CUL9: variants seen among roughly 807,000 people sequenced by gnomAD.
CUL9 encodes the protein cullin 9.
In CUL9, 79 loss-of-function variants were observed where a neutral mutation model predicts 272.6. That is an observed-to-expected ratio of 0.29 (90% CI 0.24 to 0.35). CUL9 has a LOEUF of 0.35. CUL9 is among the 10% of genes least tolerant of loss of function. The probability of loss-of-function intolerance (pLI) is 1.00; values close to 1 mark genes in which losing one functional copy is unlikely to be tolerated. For synonymous variants in CUL9, 1,186 were observed against 1,286.5 expected (o/e 0.92, Z 1.67); for missense variants, 2,532 against 3,255.6 (o/e 0.78, Z 5.41).
At position 43,206,246 on chromosome 6, in the gene CUL9, G is replaced by C; in HGVS notation, c.5022+11G>C. On this transcript the variant is annotated intron_variant, in intron 25 of 40. Coordinates refer to ENST00000252050, the MANE Select transcript of CUL9 (RefSeq NM_015089.4). The surrounding 1 kb of genome is among the most constrained non-coding windows in gnomAD (Gnocchi z 4.8). ...CTAGAGGAAGAGGAGGTAAGAGCAG[G>C]GAGAATAGGAGAGTGAGAGAAGACT... 6.2e-7 allele frequency: 1 copy of C among 1,611,428 alleles called. No homozygotes were observed. Among genetic ancestry groups the C allele is most frequent in the Non-Finnish European group, 8.5e-7 (1 of 1,178,328 alleles).
At chr6:43,212,017 C>T (rs1775546627) in intron 26 of CUL9, among the ~76,000 whole-genome samples, 1 of 152,240 alleles carries the variant, frequency 6.6e-6, no homozygotes, top group Non-Finnish European at 1.5e-5. Context: ...ATTTTATCCT[C>T]CTTGCAATTA....
rs549624523 is a variant in CUL9 at position 43,221,460 on chromosome 6, C to CG, written c.6752+141dup. The CG allele has an allele frequency of 3.8e-4, 394 of 1,048,244 alleles. No individual in the cohort carries two copies. In the African/African-American group the frequency reaches 5.0e-3, roughly 13 times the overall value. The allele number at this position is 1,048,244 out of a possible 1,614,324, so 64.9% of individuals were successfully genotyped here. On this transcript the variant is annotated intron_variant, in intron 34 of 40. Transcript: ENST00000252050. The surrounding 1 kb of genome is among the most constrained non-coding windows in gnomAD (Gnocchi z 4.2). ...GCCGCCCCTCACGTGGCAGCCTCCA[C>CG]GGTGACTTCCTGGATCTTAATGTTC...
intron 36 of CUL9, 65 bp downstream of exon 36, chr6:43,222,455 G>T (rs1776450442): frequency 2.5e-6 from 4 of 1,585,632 alleles, no homozygotes. Flanking sequence ...GGGTGGAGGG[G>T]GGTGGGCTGA....
rs1397457427 is a variant in CUL9 at position 43,184,782 on chromosome 6, C to T, written c.472C>T (p.Leu158Phe). Reference sequence around the variant, plus strand: ...CAGTGCCTACGCCAGCATCGGGCCCCTCACTGGTGTCTTCAGGGAGACAGG... The same window carrying T: ...CAGTGCCTACGCCAGCATCGGGCCCTTCACTGGTGTCTTCAGGGAGACAGG... ...VLSAYASIGP[L>F]TGVFRETGAL... The change falls in exon 2 of 41, where the codon CTC (leucine) becomes TTC (phenylalanine). Residue 158 changes from leucine (L) to phenylalanine (F), a missense_variant. Leu to Phe is a conservative substitution (Grantham distance 22). Transcript: ENST00000252050. This position sits in a 1 kb window ranked among gnomAD's most constrained non-coding sequence, Gnocchi z 4.8. 2 of 1,614,142 alleles carry T rather than the reference C, an allele frequency of 1.2e-6. No individual in the cohort carries two copies. The highest frequency in any genetic ancestry group is 3.3e-5 in the Admixed American group (2 of 60,030).
intron 7 of CUL9, 138 bp downstream of exon 7, chr6:43,188,256 A>G (rs1437561424): frequency 9.9e-6 from 10 of 1,005,256 alleles, no homozygotes; most frequent in African/African-American, 4.9e-5. Flanking sequence ...CCATGCGTCC[A>G]TCTTCTTCCT....
chr6:43,222,696 G>C, intron 37 of CUL9, 55 bp downstream of exon 37: 14 of 1,605,336 alleles, frequency 8.7e-6, no homozygotes, highest in Non-Finnish European at 1.2e-5. Context: ...TGGGTCTGGG[G>C]GGCTTGGCTG....
In CUL9 at chr6:43,188,023, A is replaced by G. The variant is rs1181687456; in HGVS notation, c.1892A>G (p.Glu631Gly). Residue 631 changes from glutamate (E) to glycine (G), a missense_variant, in exon 7 of 41, where the codon GAG (glutamate) becomes GGG (glycine). Physicochemically the swap from Glu to Gly is moderately conservative, Grantham distance 98. Transcript: ENST00000252050. Reference protein sequence around the residue: ...TEAEPTKTRTETPMAQSDSQL... With the variant: ...TEAEPTKTRTGTPMAQSDSQL... ...GCCGAGCCCACCAAGACAAGGACCG[A>G]GACCCCCATGGCACAGAGTGATTCT... 1 of 1,613,894 alleles carries G rather than the reference A, an allele frequency of 6.2e-7. No homozygotes were observed. Among genetic ancestry groups the G allele is most frequent in the Non-Finnish European group, 8.5e-7 (1 of 1,179,998 alleles).
At chr6:43,192,826 C>T (rs532653751) in intron 8 of CUL9, among the ~76,000 whole-genome samples, 175 bp from the exon 9 acceptor site, 47 of 152,178 alleles carry the variant, frequency 3.1e-4, no homozygotes, top group African/African-American at 1.1e-3. Context: ...AGTTAGGCTG[C>T]AGAGGGGAGG....
chr6:43,205,218 A>C (rs771352141), intron 23 of CUL9, 45 bp from the exon 24 acceptor site: 10 of 1,601,344 alleles, frequency 6.2e-6, no homozygotes, highest in Admixed American at 1.7e-5. Context: ...CTCCTACTCC[A>C]CTCCCTCATT....
Position 43,218,906 on chromosome 6 carries a change from G to GCCTT in CUL9, c.6283-1552_6283-1549dup, listed in dbSNP as rs1776127418. ...GGAATGAAGCAGAGAGGCCTGGCAG[G>GCCTT]CCTTACCCAAGGAGAAAGAAGCAGA... On this transcript the variant is annotated intron_variant, in intron 31 of 40. Coordinates refer to ENST00000252050, the MANE Select transcript of CUL9 (RefSeq NM_015089.4). The surrounding 1 kb of genome is among the most constrained non-coding windows in gnomAD (Gnocchi z 4.4). Among the ~76,000 whole-genome samples the GCCTT allele has an allele frequency of 6.6e-6, 1 of 152,086 alleles. No individual in the cohort carries two copies. Among genetic ancestry groups the GCCTT allele is most frequent in the South Asian group, 2.1e-4 (1 of 4,816 alleles).
rs1291021098 is a variant in CUL9, at chr6:43,213,674, C to T, written c.5489-39C>T. On this transcript the variant is annotated intron_variant, in intron 28 of 40. Coordinates refer to ENST00000252050, the MANE Select transcript of CUL9 (RefSeq NM_015089.4). This position sits in a 1 kb window ranked among gnomAD's most constrained non-coding sequence, Gnocchi z 5.7. ...CATCTTAGTCCCCATTCATCTGTCC[C>T]TCTGCCTCCTCTGGTACCTGACCGG... 1 of 1,608,524 alleles carries T rather than the reference C, an allele frequency of 6.2e-7. No homozygotes were observed. The highest frequency in any genetic ancestry group is 8.5e-7 in the Non-Finnish European group (1 of 1,177,010).
intron 11 of CUL9, among the ~76,000 whole-genome samples, chr6:43,197,539 A>C (rs1345314811): frequency 6.6e-6 from 1 of 151,740 alleles, no homozygotes. Context: ...GCTGGAATGC[A>C]GTTGCACGAT....
chr6:43,206,410 C>T lies in CUL9; in HGVS notation c.5112C>T (p.Cys1704=), dbSNP rs1775049414. The T allele has an allele frequency of 6.2e-7, 1 of 1,614,078 alleles. No individual in the cohort carries two copies. Among genetic ancestry groups the T allele is most frequent in the African/African-American group, 1.3e-5 (1 of 74,920 alleles). The change falls in exon 26 of 41, where the codon TGC becomes TGT. Residue 1704 remains cysteine, a synonymous_variant. Transcript: ENST00000252050. This position sits in a 1 kb window ranked among gnomAD's most constrained non-coding sequence, Gnocchi z 4.8. The part of the protein sequence containing the change: ...AISILVLSPR[C]WPVSPLCYLY... ...CTATACTGGTCCTGTCACCACGCTG[C>T]TGGCCCGTCTCCCCACTCTGCTACC... is the stretch of plus-strand genomic sequence containing the variant.
intron 26 of CUL9, among the ~76,000 whole-genome samples, chr6:43,211,682 A>C (rs1562051393): frequency 1.3e-5 from 2 of 152,192 alleles, no homozygotes; most frequent in Non-Finnish European, 2.9e-5. Context: ...GTAAATTTCA[A>C]GCATATACAA....
In CUL9 at chr6:43,196,419, C is replaced by T. The variant is rs542629105; in HGVS notation, c.2585+154C>T. ...GCTGCCAACTGTTGTTGGAGGAGAA[C>T]CCAAGTGGATTGGGGATAGGGAGAT... is the stretch of plus-strand genomic sequence containing the variant. On this transcript the variant is annotated intron_variant, in intron 10 of 40. Transcript: ENST00000252050. 15 of 826,646 alleles carry T rather than the reference C, an allele frequency of 1.8e-5. No homozygotes were observed. In the South Asian group the frequency reaches 2.3e-4, roughly 12 times the overall value. The allele number at this position is 826,646 out of a possible 1,614,324, so 51.2% of individuals were successfully genotyped here. A position where few individuals can be genotyped will look rare whatever the true frequency, so the allele number is the denominator to read the frequency against.
chr6:43,186,829 C>A, intron 4 of CUL9, 131 bp from the exon 5 acceptor site: 2 of 1,171,090 alleles, frequency 1.7e-6, no homozygotes, highest in Non-Finnish European at 1.2e-6. Flanking sequence ...TTTTTCCAGG[C>A]TTAGCCAGGT....
chr6:43,198,880 G>C, intron 12 of CUL9, 25 bp downstream of exon 12: 1 of 1,602,390 alleles, frequency 6.2e-7, no homozygotes, highest in Non-Finnish European at 8.5e-7. Flanking sequence ...GAGGCACCAT[G>C]CATTGGGACG....
At chr6:43,193,349 G>A (rs547064106) in intron 9 of CUL9, 141 bp downstream of exon 9, 237 of 750,924 alleles carry the variant, frequency 3.2e-4, no homozygotes, top group Admixed American at 1.0e-3. Flanking sequence ...TTAAGAGTTT[G>A]ATCTGGACAT....
chr6:43,187,635 G>A (rs1158665448), intron 6 of CUL9, 78 bp from the exon 7 acceptor site: 4 of 1,485,186 alleles, frequency 2.7e-6, no homozygotes, highest in Non-Finnish European at 3.7e-6. Context: ...ATGGTAGGGA[G>A]TGATCACCCT....
Sources: allele counts gnomAD v4.1 joint callset (sites outside exome capture counted in the v4.1 genomes callset), GRCh38; gene constraint gnomAD v4.1.1; non-coding constraint Gnocchi (gnomAD v3.1); transcripts MANE v1.5; gene names NCBI Gene and HGNC (gene_info 2026-07-23, HGNC 2026-07-21).